The following ODF2L variants were observed in gnomAD, a reference collection of about 807,000 sequenced individuals.
ODF2L encodes outer dense fiber of sperm tails 2 like.
ODF2L carries 76 observed loss-of-function variants against 86.3 expected under a neutral mutation model. That is an observed-to-expected ratio of 0.88 (90% CI 0.73 to 1.07). ODF2L has a LOEUF of 1.07. Ranked by LOEUF, ODF2L falls within the 50% of genes least tolerant of loss-of-function variation. The pLI is 0.00. For missense variants in ODF2L, 748 were observed against 717.4 expected, an observed-to-expected ratio of 1.04 and a Z score of -0.49; for synonymous variants, 241 against 231.3, an observed-to-expected ratio of 1.04 and a Z score of -0.38.
chr1:86,362,965 T>C (rs563597704), intron 11 of ODF2L, among the ~76,000 whole-genome samples: 1 of 152,256 alleles, frequency 6.6e-6, no homozygotes, highest in South Asian at 2.1e-4. Context: ...CTGACTACAT[T>C]TTTATAGAAA....
At chr1:86,361,794 G>A (rs907587729) in intron 11 of ODF2L, among the ~76,000 whole-genome samples, 9 of 152,110 alleles carry the variant, frequency 5.9e-5, no homozygotes, top group African/African-American at 1.9e-4. Context: ...AAATGTGAAT[G>A]ATTGATGAAT....
In ODF2L at chr1:86,363,375, C is replaced by G. The variant is rs549361715; in HGVS notation, c.1144-2839G>C. On this transcript the variant is annotated intron_variant, in intron 11 of 17. Coordinates refer to ENST00000317336, the Ensembl canonical transcript of ODF2L. ...GGTATAAATTTGAAAGCCTCGAGCACATAGATGGTATGTAAAGCCACAAGA... is the reference window on the plus strand; with the variant it reads ...GGTATAAATTTGAAAGCCTCGAGCAGATAGATGGTATGTAAAGCCACAAGA... Among the ~76,000 whole-genome samples, 3 of 152,152 alleles carry G rather than the reference C, an allele frequency of 2.0e-5. No homozygotes were observed. In the East Asian group the frequency reaches 5.8e-4, roughly 29 times the overall value.
chr1:86,362,582 T>C (rs1458473869), intron 11 of ODF2L, among the ~76,000 whole-genome samples: 1 of 152,170 alleles, frequency 6.6e-6, no homozygotes, highest in Non-Finnish European at 1.5e-5. Flanking sequence ...TGAGCCACCG[T>C]GCCCAGGCAG....
At chr1:86,392,382 A>G (rs990581498) in intron 1 of ODF2L, among the ~76,000 whole-genome samples, 1 of 152,160 alleles carries the variant, frequency 6.6e-6, no homozygotes, top group African/African-American at 2.4e-5. Context: ...ATACTTGCAC[A>G]TGCATGTTTA....
intron 4 of ODF2L, 58 bp downstream of exon 4, chr1:86,384,618 G>A: frequency 9.0e-7 from 1 of 1,106,782 alleles, no homozygotes; most frequent in Admixed American, 3.2e-5. Flanking sequence ...TAAAAATAAT[G>A]TATCCTTCAA....
chr1:86,383,713 C>CAT (rs941026777), intron 4 of ODF2L, among the ~76,000 whole-genome samples: 2 of 151,728 alleles, frequency 1.3e-5, no homozygotes, highest in Non-Finnish European at 3.0e-5. Context: ...CCCAAAACCA[C>CAT]ATATATATGT....
At chr1:86,381,616 A>G (rs1372959862) in intron 7 of ODF2L, among the ~76,000 whole-genome samples, 1 of 145,408 alleles carries the variant, frequency 6.9e-6, no homozygotes, top group Non-Finnish European at 1.5e-5. Context: ...CCTTTGGCGG[A>G]AAAAAAAAAA....
rs183595335 is a variant in ODF2L, at chr1:86,386,774, A to G, written c.113+141T>C. 4.7e-3 allele frequency: 2,290 copies of G among 490,564 alleles called. 21 individuals carry two copies. Among genetic ancestry groups the G allele is most frequent in the Non-Finnish European group, 4.5e-3 (1,287 of 283,802 alleles). 30.4% of individuals were successfully genotyped at this position (490,564 alleles called of 1,614,324 possible). On this transcript the variant is annotated intron_variant, in intron 2 of 17. Transcript: ENST00000317336. ...GAGTACACTTGTAATCAGATTAAAT[A>G]TATTTTAATAAATAAATACTAGATT...
In ODF2L at chr1:86,366,433, C is replaced by T. The variant is rs868155585; in HGVS notation, c.1143+2203G>A. On this transcript the variant is annotated intron_variant, in intron 11 of 17. Transcript: ENST00000317336. ...ACACACACACACACACACACACACA[C>T]ATACACATACACATACACACACATT... 6.0e-4 allele frequency among the ~76,000 whole-genome samples: 74 copies of T among 124,132 alleles called. 2 individuals are homozygous for T. The South Asian group carries it at 0.017, about 29-fold the overall frequency. The allele number at this position is 124,132 out of a possible 152,430, so 81.4% of individuals were successfully genotyped here. A position where few individuals can be genotyped will look rare whatever the true frequency, so the allele number is the denominator to read the frequency against.
intron 2 of ODF2L, 168 bp downstream of exon 2, chr1:86,386,747 A>G: frequency 2.3e-6 from 1 of 431,120 alleles, no homozygotes. Flanking sequence ...ATTCTGCTAG[A>G]TGAGTACACT....
intron 4 of ODF2L, among the ~76,000 whole-genome samples, 172 bp downstream of exon 4, chr1:86,384,504 G>T (rs1660797747): frequency 6.6e-6 from 1 of 151,750 alleles, no homozygotes; most frequent in Non-Finnish European, 1.5e-5. Flanking sequence ...TAAAAACGTG[G>T]TGTTCATATA....
At chr1:86,355,888 T>A (rs543460361) in intron 14 of ODF2L, 1 of 159,080 alleles carries the variant, frequency 6.3e-6, no homozygotes, top group East Asian at 1.9e-4. Flanking sequence ...TCACCATCTT[T>A]GGACTGCTCC....
At chr1:86,351,401 G>A (rs12031536) in exon 18 of ODF2L, 41,064 of 152,082 alleles carry the variant, frequency 0.27, 6,375 homozygotes, top group East Asian at 0.41. Context: ...GCAGATGGTT[G>A]TAGATGTGTG....
chr1:86,393,384 G>GAA (rs71741271), intron 1 of ODF2L, among the ~76,000 whole-genome samples: 42 of 140,520 alleles, frequency 3.0e-4, no homozygotes, highest in Non-Finnish European at 3.2e-4. Flanking sequence ...GTAATTGTAT[G>GAA]AAAAAAAAAA....
At chr1:86,391,567 A>G (rs1174404030) in intron 1 of ODF2L, among the ~76,000 whole-genome samples, 1 of 152,120 alleles carries the variant, frequency 6.6e-6, no homozygotes. Flanking sequence ...CAAAAACATA[A>G]AGTGGGGAAA....
downstream of ODF2L, chr1:86,349,518 A>G (rs1657984647): frequency 6.6e-6 from 1 of 152,160 alleles, no homozygotes; most frequent in Non-Finnish European, 1.5e-5. Flanking sequence ...CATCCTTCAT[A>G]TCAGGTGTTC....
At chr1:86,380,777 C>T (rs995054563) in intron 7 of ODF2L, among the ~76,000 whole-genome samples, 3 of 151,880 alleles carry the variant, frequency 2.0e-5, no homozygotes, top group South Asian at 2.1e-4. Flanking sequence ...AATAAGAAAA[C>T]GTTCTAATTC....
At chr1:86,378,609 T>C (rs1660339019) in intron 7 of ODF2L, among the ~76,000 whole-genome samples, 2 of 152,140 alleles carry the variant, frequency 1.3e-5, no homozygotes, top group South Asian at 4.1e-4. Flanking sequence ...GAAACTTCAA[T>C]CGTGGCAGAA....
At chr1:86,349,048 ATAAT>A (rs1269420387), downstream of ODF2L, 6 of 538,362 alleles carry the variant, frequency 1.1e-5, no homozygotes, top group Non-Finnish European at 1.6e-5. Flanking sequence ...TTTAAAATTA[ATAAT>A]TAAAGCACAC....
Sources: allele counts gnomAD v4.1 joint callset (sites outside exome capture counted in the v4.1 genomes callset), GRCh38; gene constraint gnomAD v4.1.1; transcripts MANE v1.5; gene names NCBI Gene and HGNC (gene_info 2026-07-23, HGNC 2026-07-21).